Variants in ZMYND8 observed in about 807,000 individuals in gnomAD.
ZMYND8 encodes the protein MYND-type zinc finger-containing chromatin reader ZMYND8.
In ZMYND8, 37 loss-of-function variants were observed where a neutral mutation model predicts 140.8. The observed-to-expected ratio is 0.26, with a 90% CI of 0.20 to 0.35. The LOEUF is 0.35. Among genes scored for constraint, ZMYND8 ranks in the 10% least tolerant of loss-of-function variants. The pLI, the probability that ZMYND8 is intolerant of heterozygous loss-of-function variation, is 1.00. For synonymous variants in ZMYND8, 592 were observed against 597.1 expected, an observed-to-expected ratio of 0.99 and a Z score of 0.12; for missense variants, 1,068 against 1,570.0, an observed-to-expected ratio of 0.68 and a Z score of 5.40.
chr20:47,332,167 C>T (rs2081009134), intron 2 of ZMYND8, among the ~76,000 whole-genome samples: 2 of 152,084 alleles, frequency 1.3e-5, no homozygotes, highest in Admixed American at 6.6e-5. Flanking sequence ...AAAAATTAGC[C>T]GAGCATGGTG....
At chr20:47,292,411 A>G (rs2077321010) in intron 5 of ZMYND8, among the ~76,000 whole-genome samples, 1 of 151,972 alleles carries the variant, frequency 6.6e-6, no homozygotes, top group South Asian at 2.1e-4. Context: ...TAAAAATTAT[A>G]CCATAGCAAA....
intron 2 of ZMYND8, 73 bp downstream of exon 2, chr20:47,347,783 G>A: frequency 4.1e-6 from 6 of 1,472,822 alleles, no homozygotes; most frequent in Non-Finnish European, 4.7e-6. Context: ...ACACTTCACT[G>A]CACTACAACA....
intron 19 of ZMYND8, among the ~76,000 whole-genome samples, chr20:47,222,295 G>T (rs2146945423): frequency 6.6e-6 from 1 of 152,308 alleles, no homozygotes; most frequent in African/African-American, 2.4e-5. Flanking sequence ...CAGCACTTTG[G>T]GAGGCTGAGG....
At chr20:47,287,702 TC>T (rs919152536) in intron 7 of ZMYND8, among the ~76,000 whole-genome samples, 2 of 152,116 alleles carry the variant, frequency 1.3e-5, no homozygotes, top group African/African-American at 4.8e-5. Flanking sequence ...AAACACATTT[TC>T]TTCTTGGGCC....
At chr20:47,255,509 A>G (rs186413339) in intron 12 of ZMYND8, among the ~76,000 whole-genome samples, 82 of 149,816 alleles carry the variant, frequency 5.5e-4, no homozygotes, top group African/African-American at 2.0e-3. Flanking sequence ...TCCACCATAT[A>G]CATATACATA....
intron 14 of ZMYND8, among the ~76,000 whole-genome samples, chr20:47,240,042 G>C (rs1487327695): frequency 6.6e-6 from 1 of 152,110 alleles, no homozygotes; most frequent in South Asian, 2.1e-4. Context: ...TTTGAGACCA[G>C]CCTGACCAAC....
intron 12 of ZMYND8, among the ~76,000 whole-genome samples, chr20:47,258,698 T>A (rs527250310): frequency 1.3e-5 from 2 of 152,342 alleles, no homozygotes; most frequent in Admixed American, 1.3e-4. Flanking sequence ...TCATTGTCCC[T>A]GTCTGGGGAA....
intron 14 of ZMYND8, among the ~76,000 whole-genome samples, chr20:47,241,060 C>G (rs944758337): frequency 6.6e-6 from 1 of 151,784 alleles, no homozygotes; most frequent in African/African-American, 2.4e-5. Context: ...CTTTGGGAGG[C>G]CGAGGCGGGC....
chr20:47,343,842 T>C (rs2082116797), intron 2 of ZMYND8, among the ~76,000 whole-genome samples: 3 of 151,970 alleles, frequency 2.0e-5, no homozygotes, highest in Non-Finnish European at 4.4e-5. Context: ...AGGTGGAGCA[T>C]AGCTCTTCAC....
At chr20:47,315,400 CCAAACAACAGACACA>C in intron 2 of ZMYND8, among the ~76,000 whole-genome samples, 1 of 152,160 alleles carries the variant, frequency 6.6e-6, no homozygotes, top group Admixed American at 6.5e-5. Context: ...TTGATAGGTT[CCAAACAACAGACACA>C]TCAGTCAACA....
At chr20:47,333,077 T>C (rs961502247) in intron 2 of ZMYND8, among the ~76,000 whole-genome samples, 5 of 152,150 alleles carry the variant, frequency 3.3e-5, no homozygotes, top group African/African-American at 1.2e-4. Context: ...TCACACACAG[T>C]GGCTCATGCC....
intron 2 of ZMYND8, among the ~76,000 whole-genome samples, chr20:47,341,921 T>C (rs1164101975): frequency 6.6e-6 from 1 of 151,784 alleles, no homozygotes; most frequent in Non-Finnish European, 1.5e-5. Context: ...GAGAATGGCG[T>C]GAACCCGGGA....
chr20:47,325,751 A>ATTT (rs2080356403), intron 2 of ZMYND8, among the ~76,000 whole-genome samples: 1 of 152,084 alleles, frequency 6.6e-6, no homozygotes, highest in Non-Finnish European at 1.5e-5. Flanking sequence ...TAAGACAACC[A>ATTT]ATTTACTCAT....
chr20:47,306,249 G>A (rs2078473428), intron 3 of ZMYND8, among the ~76,000 whole-genome samples: 1 of 151,912 alleles, frequency 6.6e-6, no homozygotes, highest in Non-Finnish European at 1.5e-5. Flanking sequence ...AAAAAAACTA[G>A]CCGGGTGTGC....
intron 18 of ZMYND8, among the ~76,000 whole-genome samples, chr20:47,225,241 T>C (rs2037517459): frequency 6.6e-6 from 1 of 152,030 alleles, no homozygotes; most frequent in Non-Finnish European, 1.5e-5. Flanking sequence ...TGGTAATTCA[T>C]TTAGGAGTGA....
chr20:47,290,525 T>C (rs902001337), intron 6 of ZMYND8, among the ~76,000 whole-genome samples: 1 of 152,010 alleles, frequency 6.6e-6, no homozygotes, highest in South Asian at 2.1e-4. Flanking sequence ...TCTCATCTTA[T>C]AGTAGCTGTC....
At chr20:47,325,316 G>A (rs1464946933) in intron 2 of ZMYND8, among the ~76,000 whole-genome samples, 1 of 152,078 alleles carries the variant, frequency 6.6e-6, no homozygotes, top group East Asian at 1.9e-4. Context: ...CTTCTTTGCT[G>A]TAGCCCAGTG....
At chr20:47,245,180 A>T (rs2040414865) in intron 14 of ZMYND8, among the ~76,000 whole-genome samples, 1 of 152,212 alleles carries the variant, frequency 6.6e-6, no homozygotes, top group South Asian at 2.1e-4. Context: ...AAGAAAATAC[A>T]CTTGGAGATG....
intron 2 of ZMYND8, among the ~76,000 whole-genome samples, chr20:47,337,447 C>T (rs747432637): frequency 6.6e-6 from 1 of 152,088 alleles, no homozygotes; most frequent in Non-Finnish European, 1.5e-5. Context: ...TAGGTGGATC[C>T]CTTGAGCCCA....
Sources: allele counts gnomAD v4.1 joint callset (sites outside exome capture counted in the v4.1 genomes callset), GRCh38; gene constraint gnomAD v4.1.1; transcripts MANE v1.5; gene names NCBI Gene and HGNC (gene_info 2026-07-23, HGNC 2026-07-21).